Variants in ATAD3B observed in about 807,000 individuals in gnomAD.
ATAD3B encodes ATPase family AAA domain containing 3B.
Under a neutral mutation model 70.2 loss-of-function variants are expected in ATAD3B, and 59 were observed. The ratio of observed to expected loss-of-function variants is 0.84; its 90% CI spans 0.68 to 1.04. The LOEUF (loss-of-function observed/expected upper bound fraction) is 1.04. Among genes scored for constraint, ATAD3B ranks in the 50% least tolerant of loss-of-function variants. The probability of loss-of-function intolerance (pLI) is 0.00; values close to 1 mark genes in which losing one functional copy is unlikely to be tolerated. For synonymous variants in ATAD3B, 423 were observed against 388.6 expected (o/e 1.09, Z -1.04); for missense variants, 961 against 913.4 (o/e 1.05, Z -0.67).
chr1:1,472,841 A>T (rs1639399330), intron 1 of ATAD3B, among the ~76,000 whole-genome samples: 1 of 151,878 alleles, frequency 6.6e-6, no homozygotes, highest in Non-Finnish European at 1.5e-5. Flanking sequence ...CTTTCTATTT[A>T]TTTATATATT....
At chr1:1,509,113 G>A in the ATAD3B span, 2 of 1,494,256 alleles carry the variant, frequency 1.3e-6, no homozygotes, top group Non-Finnish European at 8.9e-7. Context: ...TGGAGCCCCT[G>A]GTTTGGTCCC....
downstream of ATAD3B, among the ~76,000 whole-genome samples, chr1:1,501,978 A>G (rs1219376449): frequency 6.6e-6 from 1 of 151,834 alleles, no homozygotes; most frequent in East Asian, 1.9e-4. Context: ...TCCTGGGTTC[A>G]AGCAATTCTC....
downstream of ATAD3B, among the ~76,000 whole-genome samples, chr1:1,502,312 T>TCA (rs1434544196): frequency 6.6e-6 from 1 of 151,686 alleles, no homozygotes; most frequent in Non-Finnish European, 1.5e-5. Flanking sequence ...CCTCCCGGGT[T>TCA]CACGCCATTC....
chr1:1,485,892 G>A lies in ATAD3B; in HGVS notation c.963+54G>A, dbSNP rs765329312. On this transcript the variant is annotated intron_variant, in intron 9 of 15. Coordinates refer to ENST00000673477, the MANE Select transcript of ATAD3B (RefSeq NM_031921.6). ...GTGCAGGGAGGGGACCCCGGAGCTG[G>A]GCTGGGCTGTGGCCCTTGCTAGCGC... The A allele has an allele frequency of 6.8e-6, 11 of 1,611,796 alleles. No individual in the cohort carries two copies. In the African/African-American group the frequency reaches 1.3e-4, roughly 20 times the overall value.
At chr1:1,499,796 G>T (rs1449839729), downstream of ATAD3B, among the ~76,000 whole-genome samples, 5 of 150,084 alleles carry the variant, frequency 3.3e-5, no homozygotes, top group Non-Finnish European at 7.4e-5. Context: ...GTTTCACCAG[G>T]TTGGTCAGGC....
chr1:1,482,213 C>T lies in ATAD3B; in HGVS notation c.590C>T (p.Ala197Val). 2 of 1,611,224 alleles carry T rather than the reference C, an allele frequency of 1.2e-6. No homozygotes were observed. The highest frequency in any genetic ancestry group is 1.7e-6 in the Non-Finnish European group (2 of 1,179,282). The change falls in exon 6 of 16, where the codon GCC (alanine) becomes GTC (valine). Residue 197 changes from alanine (A) to valine (V), a missense_variant. Physicochemically the swap from Ala to Val is moderately conservative, Grantham distance 64 (BLOSUM62 0). Transcript: ENST00000673477. ...LRVETEARAR[A>V]KAERENADII... ...GTGGAGACCGAGGCCCGGGCGCGCG[C>T]CAAGGCCGAGCGGGAGAATGCAGAC... is the stretch of plus-strand genomic sequence containing the variant.
downstream of ATAD3B, among the ~76,000 whole-genome samples, chr1:1,501,318 G>A (rs111905751): frequency 1.7e-4 from 26 of 151,088 alleles, no homozygotes; most frequent in African/African-American, 4.6e-4. Context: ...GCAATGGCAC[G>A]ATCTCGGCTC....
Position 1,489,252 on chromosome 1 carries a change from C to T in ATAD3B, c.1315C>T (p.His439Tyr), listed in dbSNP as rs199745466. 3.7e-6 allele frequency: 6 copies of T among 1,613,492 alleles called. No individual in the cohort carries two copies. Among genetic ancestry groups the T allele is most frequent in the Non-Finnish European group, 5.1e-6 (6 of 1,179,666 alleles). The change falls in exon 13 of 16, where the codon CAC becomes TAC. Residue 439 changes from histidine to tyrosine, a missense_variant. Around this residue, in one of 4 missense-constraint regions of ATAD3B, gnomAD observed 417 missense variants for 335.0 expected, o/e 1.24. Coordinates refer to ENST00000673477, the MANE Select transcript of ATAD3B (RefSeq NM_031921.6). ...LRATLNAFLY[H>Y]MGQHSNKFML... ...AGCCACACTGAACGCCTTCCTGTAC[C>T]ACATGGGCCAACACAGCAACAAGTG...
At chr1:1,481,563 C>T (rs960401955) in intron 5 of ATAD3B, among the ~76,000 whole-genome samples, 2 of 89,820 alleles carry the variant, frequency 2.2e-5, no homozygotes, top group Non-Finnish European at 2.2e-5. Flanking sequence ...TCCAGGCAAA[C>T]GTCTGTCACC....
intron 12 of ATAD3B, among the ~76,000 whole-genome samples, chr1:1,488,280 G>A (rs535801464): frequency 6.6e-6 from 1 of 151,986 alleles, no homozygotes; most frequent in South Asian, 2.1e-4. Context: ...TTAATACAGG[G>A]TGTCTGTCGC....
the ATAD3B span, among the ~76,000 whole-genome samples, chr1:1,505,919 G>A: frequency 1.1e-4 from 17 of 152,026 alleles, no homozygotes; most frequent in Non-Finnish European, 1.9e-4. Flanking sequence ...TCGTGCCCTC[G>A]GTCTCTTGCC....
intron 15 of ATAD3B, among the ~76,000 whole-genome samples, chr1:1,494,556 G>T (rs1196661546): frequency 6.6e-6 from 1 of 151,848 alleles, no homozygotes; most frequent in East Asian, 1.9e-4. Flanking sequence ...TCCGGTCGGT[G>T]TCTCCCCACA....
In ATAD3B at chr1:1,490,582, T is replaced by G; in HGVS notation, c.1525T>G (p.Phe509Val). The G allele has an allele frequency of 3.1e-6, 5 of 1,610,964 alleles. No individual in the cohort carries two copies. Among genetic ancestry groups the G allele is most frequent in the Non-Finnish European group, 4.2e-6 (5 of 1,178,974 alleles). The change falls in exon 15 of 16, where the codon TTT (phenylalanine) becomes GTT (valine). Residue 509 changes from phenylalanine (F) to valine (V), a missense_variant. Physicochemically the swap from Phe to Val is conservative, Grantham distance 50. Around this residue, in one of 4 missense-constraint regions of ATAD3B, gnomAD observed 417 missense variants for 335.0 expected, o/e 1.24. Coordinates refer to ENST00000673477, the MANE Select transcript of ATAD3B (RefSeq NM_031921.6). ...EGKRRLKLAQFDYGRKCSEVA... is the reference protein window; with the variant it reads ...EGKRRLKLAQVDYGRKCSEVA... ...CCCCAGGCGCCTGAAGCTGGCCCAG[T>G]TTGACTACGGGAGGAAGTGCTCGGA...
chr1:1,489,963 G>T (rs1640442168), intron 13 of ATAD3B: 5 of 1,275,404 alleles, frequency 3.9e-6, no homozygotes, highest in Non-Finnish European at 5.0e-6. Flanking sequence ...CAGGTAGCAG[G>T]AGGGAGTGGT....
In ATAD3B at chr1:1,495,988, G is replaced by GC. The variant is rs1439730423; in HGVS notation, c.*172dup. The GC allele has an allele frequency of 6.6e-6, 9 of 1,365,644 alleles. No individual in the cohort carries two copies. Among genetic ancestry groups the GC allele is most frequent in the Non-Finnish European group, 7.5e-6 (8 of 1,061,366 alleles). The allele number at this position is 1,365,644 out of a possible 1,614,324, so 84.6% of individuals were successfully genotyped here. A position where few individuals can be genotyped will look rare whatever the true frequency, so the allele number is the denominator to read the frequency against. On this transcript the variant is annotated 3_prime_UTR_variant, in exon 16 of 16. Coordinates refer to ENST00000673477, the MANE Select transcript of ATAD3B (RefSeq NM_031921.6). ...CCCTGGGGCAGAAGGAGTGGGGCAG[G>GC]CGGGGTCTTTGTTCTCGGCTCCCAC...
intron 2 of ATAD3B, 92 bp from the exon 3 acceptor site, chr1:1,478,552 T>C (rs1340358022): frequency 1.3e-6 from 2 of 1,550,240 alleles, no homozygotes; most frequent in South Asian, 2.4e-5. Flanking sequence ...GCACGGAGTC[T>C]CTGCCGTGCC....
At chr1:1,481,390 G>T (rs1309953010) in intron 5 of ATAD3B, among the ~76,000 whole-genome samples, 1 of 48,444 alleles carries the variant, frequency 2.1e-5, no homozygotes, top group East Asian at 4.8e-4. Flanking sequence ...GGCCAGGCTG[G>T]TCTTGAACTT....
At chr1:1,483,669 C>T (rs1360679143) in intron 7 of ATAD3B, 1 of 152,268 alleles carries the variant, frequency 6.6e-6, no homozygotes, top group Admixed American at 6.6e-5. Context: ...AGTGTGGTGA[C>T]CTGAGCCTGT....
chr1:1,479,475 C>T (rs1639783170), intron 4 of ATAD3B, among the ~76,000 whole-genome samples: 2 of 142,720 alleles, frequency 1.4e-5, no homozygotes, highest in Admixed American at 7.1e-5. Flanking sequence ...CACACACACC[C>T]CTGTGCGCAC....
Sources: allele counts gnomAD v4.1 joint callset (sites outside exome capture counted in the v4.1 genomes callset), GRCh38; gene constraint gnomAD v4.1.1; regional missense constraint gnomAD v4.1.1; transcripts MANE v1.5; gene names NCBI Gene and HGNC (gene_info 2026-07-23, HGNC 2026-07-21).